Variants in NCAM1 observed in about 807,000 individuals in gnomAD.
NCAM1 encodes antigen recognized by monoclonal antibody 5.1H11.
A neutral mutation model predicts 109.8 loss-of-function variants in NCAM1; 14 were observed. That is an observed-to-expected ratio of 0.13 (90% CI 0.08 to 0.20). NCAM1 has a LOEUF of 0.20. Ranked by LOEUF, NCAM1 falls within the 10% of genes least tolerant of loss-of-function variation. The pLI is 1.00. For synonymous variants in NCAM1, 418 were observed against 442.9 expected, an observed-to-expected ratio of 0.94 and a Z score of 0.70; for missense variants, 774 against 1,109.9, an observed-to-expected ratio of 0.70 and a Z score of 4.30.
intron 1 of NCAM1, among the ~76,000 whole-genome samples, chr11:113,193,769 G>C (rs1223420131): frequency 1.3e-5 from 2 of 152,164 alleles, no homozygotes; most frequent in African/African-American, 4.8e-5. Flanking sequence ...GGTGGTGGGA[G>C]TGAGAGCCTG....
At chr11:113,087,548 G>T (rs1939146299) in intron 1 of NCAM1, among the ~76,000 whole-genome samples, 1 of 152,084 alleles carries the variant, frequency 6.6e-6, no homozygotes, top group Non-Finnish European at 1.5e-5. Flanking sequence ...TTCTGAAGTT[G>T]TCCACACCTT....
chr11:112,995,069 A>G (rs1237118751), intron 1 of NCAM1, among the ~76,000 whole-genome samples: 1 of 152,052 alleles, frequency 6.6e-6, no homozygotes, highest in Non-Finnish European at 1.5e-5. Context: ...ATCTTTTTAT[A>G]TATCCTGGAG....
intron 1 of NCAM1, among the ~76,000 whole-genome samples, chr11:113,017,033 G>T (rs1555075358): frequency 6.6e-6 from 1 of 152,186 alleles, no homozygotes; most frequent in African/African-American, 2.4e-5. Context: ...GTGTTCTCAA[G>T]GTTTGGAGCA....
intron 15 of NCAM1, among the ~76,000 whole-genome samples, chr11:113,247,673 G>A (rs752104155): frequency 1.4e-4 from 22 of 152,192 alleles, no homozygotes; most frequent in Non-Finnish European, 2.6e-4. Flanking sequence ...TATTGGGTAT[G>A]TACATTGCAT....
chr11:113,210,799 C>T (rs1322550218), intron 7 of NCAM1, among the ~76,000 whole-genome samples: 1 of 150,140 alleles, frequency 6.7e-6, no homozygotes, highest in East Asian at 1.9e-4. Flanking sequence ...CACACACACA[C>T]ACACACACAC....
rs782102520 is a variant in NCAM1, at chr11:112,961,504, C to G, written c.-109C>G. 95 of 807,424 alleles carry G rather than the reference C, an allele frequency of 1.2e-4. No individual in the cohort carries two copies. The highest frequency in any genetic ancestry group is 1.8e-4 in the Non-Finnish European group (80 of 443,476). The allele number at this position is 807,424 out of a possible 1,614,324, so 50.0% of individuals were successfully genotyped here. On this transcript the variant is annotated 5_prime_UTR_variant, in exon 1 of 20. Transcript: ENST00000316851. ...GCAAAAATAATCATACTCAGCCTGG[C>G]AATTGTCTGCCCCTAGGTCTGTCGC...
intron 1 of NCAM1, among the ~76,000 whole-genome samples, chr11:112,995,930 G>T (rs1951583188): frequency 1.3e-5 from 2 of 152,146 alleles, no homozygotes; most frequent in East Asian, 3.9e-4. Context: ...CTGACCACCG[G>T]CAGGGCTGAG....
chr11:113,198,779 G>C (rs986577779), intron 1 of NCAM1, among the ~76,000 whole-genome samples: 5 of 152,188 alleles, frequency 3.3e-5, no homozygotes, highest in Non-Finnish European at 5.9e-5. Flanking sequence ...TAGGGGAAGA[G>C]TTCAAGCCTT....
At chr11:113,147,481 AG>A (rs1942060380) in intron 1 of NCAM1, among the ~76,000 whole-genome samples, 1 of 152,246 alleles carries the variant, frequency 6.6e-6, no homozygotes, top group Non-Finnish European at 1.5e-5. Flanking sequence ...CAACTGCCAG[AG>A]GGTTCTGGAG....
intron 1 of NCAM1, among the ~76,000 whole-genome samples, chr11:113,196,290 C>T (rs1273320028): frequency 6.6e-6 from 1 of 152,102 alleles, no homozygotes; most frequent in Non-Finnish European, 1.5e-5. Context: ...TTGTCTGGAG[C>T]CCCCCATGTT....
intron 1 of NCAM1, among the ~76,000 whole-genome samples, chr11:113,197,556 C>T (rs980682178): frequency 2.0e-5 from 3 of 152,140 alleles, no homozygotes; most frequent in Non-Finnish European, 4.4e-5. Context: ...TTGTTTCACC[C>T]GTCCTTTAAA....
chr11:113,229,834 C>CA (rs1240493389), intron 9 of NCAM1, among the ~76,000 whole-genome samples: 2 of 150,732 alleles, frequency 1.3e-5, no homozygotes, highest in Admixed American at 1.3e-4. Flanking sequence ...ATCCCAAGGA[C>CA]AAAAAACCAA....
At position 113,034,358 on chromosome 11, in the gene NCAM1, G is replaced by T. The variant is rs139267786; in HGVS notation, c.52+72694G>T. On this transcript the variant is annotated intron_variant, in intron 1 of 19. Transcript: ENST00000316851. ...AAAAGAAAACCCTAAATGCTTTGCT[G>T]TAGAGTATTCAAGATATAAACACAC... Among the ~76,000 whole-genome samples, 102 of 152,136 alleles carry T rather than the reference G, an allele frequency of 6.7e-4. 1 individual carries two copies. Among genetic ancestry groups the T allele is most frequent in the African/African-American group, 2.4e-3 (99 of 41,492 alleles).
chr11:113,043,422 C>T (rs2135440753), intron 1 of NCAM1, among the ~76,000 whole-genome samples: 1 of 152,280 alleles, frequency 6.6e-6, no homozygotes, highest in Admixed American at 6.5e-5. Context: ...ACTGTAAACT[C>T]CACCTGCCCA....
intron 1 of NCAM1, among the ~76,000 whole-genome samples, chr11:113,195,910 GGTGT>G (rs58873545): frequency 0.094 from 13,911 of 148,414 alleles, 693 homozygotes; most frequent in East Asian, 0.25. Flanking sequence ...TTGTTTGCAG[GGTGT>G]GTGTGTGTGT....
chr11:113,000,933 C>A (rs142492718), intron 1 of NCAM1, among the ~76,000 whole-genome samples: 1,512 of 151,110 alleles, frequency 0.01, 25 homozygotes, highest in African/African-American at 0.034. Context: ...CCATGTCTTT[C>A]TCTACAGGAT....
intron 18 of NCAM1, 120 bp downstream of exon 18, chr11:113,270,515 T>C: frequency 1.1e-6 from 1 of 921,464 alleles, no homozygotes. Flanking sequence ...GTTCTCCATT[T>C]GGAACCCTGA....
chr11:113,048,877 C>T (rs1260416525), intron 1 of NCAM1, among the ~76,000 whole-genome samples: 1 of 152,280 alleles, frequency 6.6e-6, no homozygotes, highest in Non-Finnish European at 1.5e-5. Context: ...ACTCCAGCTG[C>T]TTGGTACTCT....
At chr11:113,012,055 G>A (rs772165993) in intron 1 of NCAM1, among the ~76,000 whole-genome samples, 8 of 139,480 alleles carry the variant, frequency 5.7e-5, no homozygotes, top group Admixed American at 2.3e-4. Flanking sequence ...CAGATTCTCC[G>A]TCTCCCAGGC....
Sources: gnomAD v4.1 joint callset for allele counts (sites outside exome capture counted in the v4.1 genomes callset) on GRCh38, gnomAD v4.1.1 for gene constraint, MANE v1.5 for transcripts, NCBI Gene and HGNC (gene_info 2026-07-23, HGNC 2026-07-21) for gene names.